The following CSF2RB variants were observed in gnomAD, a reference collection of about 807,000 sequenced individuals.
CSF2RB encodes cytokine receptor common subunit beta.
In CSF2RB, 22 loss-of-function variants were observed where a neutral mutation model predicts 67.2. The observed-to-expected ratio is 0.33, with a 90% CI of 0.23 to 0.47. The LOEUF is 0.47. CSF2RB is among the 20% of genes least tolerant of loss of function. CSF2RB has a pLI of 1.00. For missense variants in CSF2RB, 1,113 were observed against 1,174.5 expected, an observed-to-expected ratio of 0.95 and a Z score of 0.76; for synonymous variants, 507 against 482.9, an observed-to-expected ratio of 1.05 and a Z score of -0.65.
rs201931144 is a variant in CSF2RB, at chr22:36,932,735, T to C, written c.1013-30T>C. ...ATGTTCCGTTGGAGGGTGGGTATGA[T>C]GACTCTCCTGAAAGCTTCCCTCCCT... On this transcript the variant is annotated intron_variant, in intron 8 of 13. Transcript: ENST00000403662. The C allele has an allele frequency of 3.1e-6, 5 of 1,609,984 alleles. No homozygotes were observed. The East Asian group carries it at 6.7e-5, about 22-fold the overall frequency.
intron 4 of CSF2RB, among the ~76,000 whole-genome samples, chr22:36,927,454 G>A (rs1941041943): frequency 6.6e-6 from 1 of 151,764 alleles, no homozygotes; most frequent in East Asian, 1.9e-4. Flanking sequence ...CAGATCTGAA[G>A]GGTAGACAGG....
At chr22:36,936,984 G>A (rs182298190) in intron 13 of CSF2RB, among the ~76,000 whole-genome samples, 35 of 152,240 alleles carry the variant, frequency 2.3e-4, no homozygotes, top group African/African-American at 7.5e-4. Flanking sequence ...CGCCTGAGCC[G>A]GCAGCTGACC....
At position 36,933,937 on chromosome 22, in the gene CSF2RB, G is replaced by A. The variant is rs774676608; in HGVS notation, c.1258G>A (p.Gly420Ser). ...GGTGAGGGTCAGGACCTCCCGCACC[G>A]GCTACAACGGGATCTGGAGCGAGTG... The part of the protein sequence containing the change: ...ARVRVRTSRT[G>S]YNGIWSEWSE... Residue 420 changes from glycine to serine, a missense_variant, in exon 10 of 14, where the codon GGC (glycine) becomes AGC (serine). By Grantham distance (56) the Gly-to-Ser change is moderately conservative. Around this residue, in one of 2 missense-constraint regions of CSF2RB, gnomAD observed 559 missense variants for 656.5 expected, o/e 0.85. Coordinates refer to ENST00000403662, the MANE Select transcript of CSF2RB (RefSeq NM_000395.3). The A allele has an allele frequency of 1.5e-5, 24 of 1,612,610 alleles. No homozygotes were observed. In the Admixed American group the frequency reaches 1.7e-4, roughly 11 times the overall value.
In CSF2RB at chr22:36,933,693, G is replaced by A. The variant is rs1054511855; in HGVS notation, c.1153-139G>A. On this transcript the variant is annotated intron_variant, in intron 9 of 13. Transcript: ENST00000403662. ...GGGTGGGCCCTCAGGGAGGATCCAC[G>A]GTGGTGAGAGAGAAGCCGCAGCAGG... is the stretch of plus-strand genomic sequence containing the variant. 3.3e-5 allele frequency: 39 copies of A among 1,171,218 alleles called. No homozygotes were observed. In the East Asian group the frequency reaches 5.6e-4, roughly 17 times the overall value. 72.6% of individuals were successfully genotyped at this position (1,171,218 alleles called of 1,614,324 possible).
Position 36,935,248 on chromosome 22 carries a change from C to A in CSF2RB, c.1316-103C>A. The A allele has an allele frequency of 2.9e-6, 3 of 1,049,372 alleles. No homozygotes were observed. In the Admixed American group the frequency reaches 5.8e-5, roughly 20 times the overall value. The allele number at this position is 1,049,372 out of a possible 1,614,324, so 65.0% of individuals were successfully genotyped here. On this transcript the variant is annotated intron_variant, in intron 10 of 13. Coordinates refer to ENST00000403662, the MANE Select transcript of CSF2RB (RefSeq NM_000395.3). ...TAAGTTCCAGAGCCCTGGGCCTGCACAGAGCGGGGTCTTAAGGAATACTGC... is the reference window on the plus strand; with the variant it reads ...TAAGTTCCAGAGCCCTGGGCCTGCAAAGAGCGGGGTCTTAAGGAATACTGC...
At position 36,939,957 on chromosome 22, in the gene CSF2RB, G is replaced by A. The variant is rs2145833157; in HGVS notation, c.*1455G>A. The stretch of plus-strand genomic sequence containing the variant: ...TCATTTTGTGTTTCCAACTTTTCAT[G>A]TAAAATTTTAATTATTTTTGAATGT... On this transcript the variant is annotated 3_prime_UTR_variant, in exon 14 of 14. Transcript: ENST00000403662. 6.6e-6 allele frequency: 1 copy of A among 152,270 alleles called. No homozygotes were observed. Among genetic ancestry groups the A allele is most frequent in the Non-Finnish European group, 1.5e-5 (1 of 68,024 alleles). The allele number at this position is 152,270 out of a possible 1,614,324, so 9.4% of individuals were successfully genotyped here.
chr22:36,930,641 C>G (rs1443002098), intron 7 of CSF2RB, 32 bp from the exon 8 acceptor site: 2 of 1,611,766 alleles, frequency 1.2e-6, no homozygotes, highest in Non-Finnish European at 1.7e-6. Flanking sequence ...TGCCCTCCCT[C>G]TCCCTGCCCT....
At chr22:36,924,643 G>T (rs151127141) in intron 3 of CSF2RB, among the ~76,000 whole-genome samples, 1 of 152,198 alleles carries the variant, frequency 6.6e-6, no homozygotes, top group Non-Finnish European at 1.5e-5. Context: ...CCCCCACCAG[G>T]CCACCCAAAC....
At chr22:36,925,728 C>G (rs1347783501) in intron 3 of CSF2RB, among the ~76,000 whole-genome samples, 2 of 152,186 alleles carry the variant, frequency 1.3e-5, no homozygotes, top group South Asian at 2.1e-4. Context: ...CCTCCCTGGC[C>G]CAGCCCTTCC....
At chr22:36,924,638 A>C (rs1182373150) in intron 3 of CSF2RB, among the ~76,000 whole-genome samples, 1 of 152,014 alleles carries the variant, frequency 6.6e-6, no homozygotes, top group East Asian at 1.9e-4. Flanking sequence ...TGCTGCCCCC[A>C]CCAGGCCACC....
intron 3 of CSF2RB, among the ~76,000 whole-genome samples, chr22:36,924,786 C>G (rs1940971901): frequency 6.6e-6 from 1 of 152,166 alleles, no homozygotes; most frequent in African/African-American, 2.4e-5. Context: ...TCTCTTGCAC[C>G]TGACTCTGCC....
chr22:36,935,840 T>A (rs1471663574), intron 12 of CSF2RB, among the ~76,000 whole-genome samples, 153 bp downstream of exon 12: 13 of 152,162 alleles, frequency 8.5e-5, no homozygotes. Context: ...GGCCAGCACT[T>A]GGAAATTCAT....
At chr22:36,935,009 T>C (rs1320190888) in intron 10 of CSF2RB, among the ~76,000 whole-genome samples, 1 of 152,172 alleles carries the variant, frequency 6.6e-6, no homozygotes, top group African/African-American at 2.4e-5. Flanking sequence ...TTCCTATTAC[T>C]GGAGGCCCAG....
chr22:36,930,366 C>T lies in CSF2RB; in HGVS notation c.719-9C>T. ...TGACGGAGTACATGAGGACCTGTCT[C>T]CAACCCAGGGGATGAGGCCCAGCCC... On this transcript the variant is annotated splice_polypyrimidine_tract_variant and intron_variant, in intron 6 of 13. Transcript: ENST00000403662. 6.2e-7 allele frequency: 1 copy of T among 1,613,416 alleles called. No individual in the cohort carries two copies. The highest frequency in any genetic ancestry group is 8.5e-7 in the Non-Finnish European group (1 of 1,180,012).
chr22:36,917,175 A>G (rs1018532770), intron 1 of CSF2RB, among the ~76,000 whole-genome samples: 5 of 152,186 alleles, frequency 3.3e-5, no homozygotes, highest in Non-Finnish European at 7.3e-5. Context: ...TGTCAAGATC[A>G]GCTTATCCTT....
intron 3 of CSF2RB, chr22:36,923,623 G>A (rs1940936427): frequency 4.6e-6 from 4 of 873,096 alleles, no homozygotes; most frequent in Non-Finnish European, 5.5e-6. Context: ...GGTGGCAATG[G>A]TGAAAATCTT....
intron 6 of CSF2RB, 50 bp from the exon 7 acceptor site, chr22:36,930,325 C>G: frequency 3.1e-6 from 5 of 1,612,182 alleles, no homozygotes; most frequent in Non-Finnish European, 4.2e-6. Flanking sequence ...CCACTGAGAG[C>G]TATGGGAGGG....
chr22:36,938,147 C>T lies in CSF2RB; in HGVS notation c.2339C>T (p.Pro780Leu), dbSNP rs748621848. The change falls in exon 14 of 14, where the codon CCA (proline) becomes CTA (leucine). Residue 780 changes from proline to leucine, a missense_variant. Physicochemically the swap from Pro to Leu is moderately conservative, Grantham distance 98 (BLOSUM62 -3). Around this residue, in one of 2 missense-constraint regions of CSF2RB, gnomAD observed 554 missense variants for 517.9 expected, o/e 1.07. Coordinates refer to ENST00000403662, the MANE Select transcript of CSF2RB (RefSeq NM_000395.3). Reference protein sequence around the residue: ...PPIEGRSPRSPRNNPVPPEAK... With the variant: ...PPIEGRSPRSLRNNPVPPEAK... ...ATTGAGGGCCGGTCCCCCAGGTCAC[C>T]AAGGAACAATCCTGTCCCCCCTGAG... 6.2e-7 allele frequency: 1 copy of T among 1,614,048 alleles called. No individual in the cohort carries two copies. Among genetic ancestry groups the T allele is most frequent in the South Asian group, 1.1e-5 (1 of 91,078 alleles).
chr22:36,924,293 G>GGGGCCT (rs1569132775), intron 3 of CSF2RB, among the ~76,000 whole-genome samples: 1 of 90,684 alleles, frequency 1.1e-5, no homozygotes, highest in Non-Finnish European at 2.1e-5. Context: ...GCCCACCGCC[G>GGGGCCT]GGGCCTGGGC....
Sources: gnomAD v4.1 joint callset for allele counts (sites outside exome capture counted in the v4.1 genomes callset) on GRCh38, gnomAD v4.1.1 for gene constraint, gnomAD v4.1.1 regional missense constraint, MANE v1.5 for transcripts, NCBI Gene and HGNC (gene_info 2026-07-23, HGNC 2026-07-21) for gene names.